Variants in PLEKHA5 observed in about 807,000 individuals in gnomAD.
PLEKHA5 encodes pleckstrin homology domain-containing family A member 5.
A neutral mutation model predicts 181.9 loss-of-function variants in PLEKHA5; 55 were observed. That is an observed-to-expected ratio of 0.30 (90% CI 0.24 to 0.38). The LOEUF is 0.38. Ranked by LOEUF, PLEKHA5 falls within the 10% of genes least tolerant of loss-of-function variation. The probability of loss-of-function intolerance (pLI) is 1.00; values close to 1 mark genes in which losing one functional copy is unlikely to be tolerated. For synonymous variants in PLEKHA5, 535 were observed against 529.4 expected (o/e 1.01, Z -0.15); for missense variants, 1,432 against 1,549.5 (o/e 0.92, Z 1.27).
intron 3 of PLEKHA5, among the ~76,000 whole-genome samples, chr12:19,202,172 A>G (rs973319528): frequency 5.3e-5 from 8 of 151,916 alleles, no homozygotes; most frequent in South Asian, 4.1e-4. Flanking sequence ...TTGGGTTTCT[A>G]TTACCACAAA....
chr12:19,161,409 T>C (rs1181141388), intron 3 of PLEKHA5, among the ~76,000 whole-genome samples: 1 of 152,166 alleles, frequency 6.6e-6, no homozygotes, highest in Non-Finnish European at 1.5e-5. Context: ...CCAAAAATAT[T>C]AATATCTAAC....
At chr12:19,312,469 T>C (rs1043922112) in intron 15 of PLEKHA5, among the ~76,000 whole-genome samples, 2 of 152,246 alleles carry the variant, frequency 1.3e-5, no homozygotes, top group Non-Finnish European at 2.9e-5. Context: ...ATCTTCTGAA[T>C]AACTTGCTGC....
intron 2 of PLEKHA5, among the ~76,000 whole-genome samples, chr12:19,131,480 A>G (rs904495346): frequency 6.6e-6 from 1 of 152,214 alleles, no homozygotes; most frequent in Non-Finnish European, 1.5e-5. Context: ...TTACACGCAT[A>G]TTCCAACTTT....
chr12:19,255,713 A>T (rs1190873436), intron 5 of PLEKHA5, among the ~76,000 whole-genome samples: 1 of 151,888 alleles, frequency 6.6e-6, no homozygotes, highest in East Asian at 1.9e-4. Context: ...ATGCTTTATG[A>T]GTATATTTTA....
intron 31 of PLEKHA5, chr12:19,371,504 C>G (rs1336049363): frequency 6.4e-6 from 1 of 155,384 alleles, no homozygotes; most frequent in Non-Finnish European, 1.4e-5. Context: ...TTATACCACA[C>G]TGTATGCCTT....
intron 21 of PLEKHA5, among the ~76,000 whole-genome samples, chr12:19,337,105 A>G (rs1210329812): frequency 6.8e-6 from 1 of 147,772 alleles, no homozygotes; most frequent in African/African-American, 2.5e-5. Context: ...CTCCTGCCTC[A>G]GCCTCCCGAG....
chr12:19,157,045 G>T (rs2041917374), intron 3 of PLEKHA5, among the ~76,000 whole-genome samples: 1 of 150,780 alleles, frequency 6.6e-6, no homozygotes, highest in Admixed American at 6.6e-5. Context: ...GACAGAGTGA[G>T]AATCTGTCTC....
At chr12:19,312,893 C>T (rs556543838) in intron 15 of PLEKHA5, among the ~76,000 whole-genome samples, 1 of 152,288 alleles carries the variant, frequency 6.6e-6, no homozygotes, top group South Asian at 2.1e-4. Context: ...TAACCTTAAT[C>T]ATTTCTAGCT....
chr12:19,358,190 T>C, intron 26 of PLEKHA5, 38 bp from the exon 27 acceptor site: 1 of 1,371,410 alleles, frequency 7.3e-7, no homozygotes, highest in Non-Finnish European at 1.0e-6. Flanking sequence ...TTCAGAAGTT[T>C]TCATTTATGT....
At chr12:19,171,469 T>C (rs1039493766) in intron 3 of PLEKHA5, among the ~76,000 whole-genome samples, 9 of 152,228 alleles carry the variant, frequency 5.9e-5, no homozygotes, top group South Asian at 2.1e-4. Flanking sequence ...TATATTGATA[T>C]ACAATTTTAA....
chr12:19,209,153 T>G (rs977190714), intron 3 of PLEKHA5, among the ~76,000 whole-genome samples: 5 of 152,110 alleles, frequency 3.3e-5, no homozygotes, highest in Admixed American at 6.6e-5. Flanking sequence ...AAAGAACTCC[T>G]ATCAGAGCAA....
Position 19,347,099 on chromosome 12 carries a change from T to G in PLEKHA5, c.2815T>G (p.Cys939Gly). ...PLPSDSSSLL[C>G]YSRGPVHLPE... is the part of the protein sequence containing the mutation. The stretch of plus-strand genomic sequence containing the variant: ...GCCCAGTGATAGCAGCTCCTTGCTC[T>G]GTTATAGCAGGGGCCCAGTTCATCT... The change falls in exon 24 of 32, where the codon TGT (cysteine) becomes GGT (glycine). Residue 939 changes from cysteine (C) to glycine (G), a missense_variant. Coordinates refer to ENST00000429027, the MANE Select transcript of PLEKHA5 (RefSeq NM_001256470.2). 1 of 1,551,104 alleles carries G rather than the reference T, an allele frequency of 6.4e-7. No homozygotes were observed. The highest frequency in any genetic ancestry group is 8.7e-7 in the Non-Finnish European group (1 of 1,146,400).
At chr12:19,356,656 G>GTT (rs2094940490) in intron 26 of PLEKHA5, among the ~76,000 whole-genome samples, 2 of 117,642 alleles carry the variant, frequency 1.7e-5, no homozygotes, top group South Asian at 2.7e-4. Context: ...AGAGGAAGTT[G>GTT]TTTTTCTTTT....
chr12:19,226,259 G>A (rs2059674479), intron 3 of PLEKHA5, among the ~76,000 whole-genome samples: 1 of 152,094 alleles, frequency 6.6e-6, no homozygotes, highest in African/African-American at 2.4e-5. Flanking sequence ...GTTGTAGCAT[G>A]TATCAGTACA....
At chr12:19,202,660 A>G (rs2054461615) in intron 3 of PLEKHA5, among the ~76,000 whole-genome samples, 1 of 151,788 alleles carries the variant, frequency 6.6e-6, no homozygotes, top group South Asian at 2.1e-4. Context: ...AACAAACTCC[A>G]ATTGTGAACC....
intron 3 of PLEKHA5, among the ~76,000 whole-genome samples, chr12:19,242,935 C>G (rs2062945691): frequency 6.6e-6 from 1 of 152,036 alleles, no homozygotes; most frequent in Non-Finnish European, 1.5e-5. Flanking sequence ...GTCTGAACAG[C>G]TAAGAGTAGG....
rs576372565 is a variant in PLEKHA5, at chr12:19,353,749, G to A, written c.3020-135G>A. On this transcript the variant is annotated intron_variant, in intron 25 of 31. Coordinates refer to ENST00000429027, the MANE Select transcript of PLEKHA5 (RefSeq NM_001256470.2). ...GCTGGGATTACAGGCGTGAGCCACC[G>A]CGCCAGGCCAGCCTGACTCTTTTTA... 1.7e-4 allele frequency: 99 copies of A among 587,288 alleles called. 1 individual carries two copies. The highest frequency in any genetic ancestry group is 5.0e-4 in the South Asian group (24 of 48,218). The allele number at this position is 587,288 out of a possible 1,614,324, so 36.4% of individuals were successfully genotyped here. A position where few individuals can be genotyped will look rare whatever the true frequency, so the allele number is the denominator to read the frequency against.
At chr12:19,367,258 CTTTTTTTTTTT>C (rs376634416) in intron 30 of PLEKHA5, among the ~76,000 whole-genome samples, 33 of 72,006 alleles carry the variant, frequency 4.6e-4, no homozygotes, top group Non-Finnish European at 5.0e-5. Context: ...TTTGCTTCTT[CTTTTTTTTTTT>C]TTTTTTTTTT....
chr12:19,275,128 A>T (rs777395659), intron 11 of PLEKHA5, 145 bp downstream of exon 11: 6 of 623,000 alleles, frequency 9.6e-6, no homozygotes, highest in Non-Finnish European at 1.7e-5. Flanking sequence ...GTTTATAATG[A>T]TCAGATATAA....
Sources: allele counts gnomAD v4.1 joint callset (sites outside exome capture counted in the v4.1 genomes callset), GRCh38; gene constraint gnomAD v4.1.1; transcripts MANE v1.5; gene names NCBI Gene and HGNC (gene_info 2026-07-23, HGNC 2026-07-21).